Variants in LRRC37A2 observed in about 807,000 individuals in gnomAD.
LRRC37A2 encodes leucine rich repeat containing 37 member A2, also known as leucine-rich repeat-containing protein 37A2.
LRRC37A2 carries 9 observed loss-of-function variants against 68.8 expected under a neutral mutation model. That is an observed-to-expected ratio of 0.13 (90% confidence interval 0.08 to 0.23). The LOEUF is 0.23. Among genes scored for constraint, LRRC37A2 ranks in the 10% least tolerant of loss-of-function variants. The probability of loss-of-function intolerance (pLI) is 1.00; values close to 1 mark genes in which losing one functional copy is unlikely to be tolerated. For synonymous variants in LRRC37A2, 63 were observed against 367.6 expected (o/e 0.17, Z 9.48); for missense variants, 168 against 950.4 (o/e 0.18, Z 10.82).
chr17:46,990,013 A>G, the LRRC37A2 span, among the ~76,000 whole-genome samples: 2 of 152,246 alleles, frequency 1.3e-5, no homozygotes, highest in Non-Finnish European at 2.9e-5. Context: ...TTGTTACACC[A>G]TAAGGAATAA....
the LRRC37A2 span, among the ~76,000 whole-genome samples, chr17:46,851,117 C>A: frequency 6.6e-6 from 1 of 152,166 alleles, no homozygotes. This position sits in a 1 kb window ranked among gnomAD's most constrained non-coding sequence, Gnocchi z 4.3. Flanking sequence ...CTGCGGGCTG[C>A]GGCGAAGAGA....
chr17:46,939,562 G>A, the LRRC37A2 span: 1 of 985,396 alleles, frequency 1.0e-6, no homozygotes, highest in Non-Finnish European at 1.2e-6. Context: ...CCCTTAGAAA[G>A]TAGCTGTAGG....
the LRRC37A2 span, among the ~76,000 whole-genome samples, chr17:46,803,605 T>G: frequency 5.3e-5 from 8 of 152,208 alleles, no homozygotes; most frequent in African/African-American, 1.7e-4. Flanking sequence ...CCTAGAGGGC[T>G]AGGTTACCTG....
the LRRC37A2 span, chr17:47,033,457 T>C: frequency 1.8e-6 from 1 of 552,594 alleles, no homozygotes; most frequent in South Asian, 1.7e-5. Context: ...GTCTAGGTCA[T>C]CTGATCTGCT....
At chr17:47,030,088 A>AATAATCATC in the LRRC37A2 span, among the ~76,000 whole-genome samples, 2 of 107,122 alleles carry the variant, frequency 1.9e-5, no homozygotes, top group Admixed American at 9.5e-5. Flanking sequence ...TAATAATAAT[A>AATAATCATC]ATCATCATCA....
intron 6 of LRRC37A2, among the ~76,000 whole-genome samples, chr17:46,534,145 C>G (rs576313609): frequency 3.6e-4 from 53 of 147,152 alleles, no homozygotes; most frequent in Middle Eastern, 6.9e-3. Flanking sequence ...TCCTGGGTAG[C>G]TGAGACTACA....
At chr17:46,722,946 C>A in the LRRC37A2 span, among the ~76,000 whole-genome samples, 1 of 152,162 alleles carries the variant, frequency 6.6e-6, no homozygotes, top group African/African-American at 2.4e-5. Context: ...CAGAGACCGA[C>A]TGCAAAAAAC....
chr17:47,015,236 G>C, the LRRC37A2 span, among the ~76,000 whole-genome samples: 1 of 152,092 alleles, frequency 6.6e-6, no homozygotes, highest in African/African-American at 2.4e-5. Flanking sequence ...TTGAACTCCT[G>C]AGCTCAAGTG....
chr17:46,872,527 C>T, the LRRC37A2 span: 12 of 1,542,782 alleles, frequency 7.8e-6, no homozygotes, highest in East Asian at 2.3e-5. Flanking sequence ...CCTGACCGGG[C>T]GGGAAGTCCT....
At chr17:46,790,393 C>G in the LRRC37A2 span, among the ~76,000 whole-genome samples, 1 of 152,080 alleles carries the variant, frequency 6.6e-6, no homozygotes, top group Non-Finnish European at 1.5e-5. Flanking sequence ...CTGCCTGGGC[C>G]CCCTGCAGAG....
At chr17:46,585,350 C>T in the LRRC37A2 span, among the ~76,000 whole-genome samples, 1 of 86,546 alleles carries the variant, frequency 1.2e-5, no homozygotes, top group East Asian at 2.4e-4. Flanking sequence ...GAGAGAGAAT[C>T]CTTAAGACAT....
the LRRC37A2 span, among the ~76,000 whole-genome samples, chr17:47,024,430 G>A: frequency 6.6e-6 from 1 of 152,122 alleles, no homozygotes; most frequent in East Asian, 1.9e-4. Context: ...CAGGAGGCAT[G>A]AAATAATACA....
chr17:46,843,900 C>A, the LRRC37A2 span, among the ~76,000 whole-genome samples: 1 of 152,292 alleles, frequency 6.6e-6, no homozygotes, highest in East Asian at 1.9e-4. Context: ...GGGTTTAGCA[C>A]CAGATGCTTA....
chr17:46,942,347 C>G, the LRRC37A2 span, among the ~76,000 whole-genome samples: 1 of 152,240 alleles, frequency 6.6e-6, no homozygotes, highest in Non-Finnish European at 1.5e-5. Context: ...CCCTGCCAAT[C>G]TGAAACCCTC....
the LRRC37A2 span, among the ~76,000 whole-genome samples, chr17:46,605,570 C>T: frequency 2.9e-5 from 3 of 102,102 alleles, no homozygotes; most frequent in African/African-American, 1.1e-4. Flanking sequence ...TTTCCATATG[C>T]TTAGAGAAAA....
the LRRC37A2 span, chr17:46,773,616 T>TGGGGGGGGGGGGGGGGGGGGGGGGGGGGG: frequency 2.0e-6 from 2 of 997,790 alleles, no homozygotes; most frequent in Non-Finnish European, 1.5e-6. Context: ...CATACAGTCC[T>TGGGGGGGGGGGGGGGGGGGGGGGGGGGGG]GATCCCTCCC....
chr17:46,944,173 T>C, the LRRC37A2 span, among the ~76,000 whole-genome samples: 1 of 152,178 alleles, frequency 6.6e-6, no homozygotes, highest in East Asian at 1.9e-4. Context: ...TATTCCGTCT[T>C]CCAGAGCCCT....
chr17:46,490,423 G>GT, the LRRC37A2 span, among the ~76,000 whole-genome samples: 1 of 151,110 alleles, frequency 6.6e-6, no homozygotes, highest in Non-Finnish European at 1.5e-5. Context: ...TGGAAATCTA[G>GT]TAAAACCTTT....
At chr17:46,466,957 G>A in the LRRC37A2 span, among the ~76,000 whole-genome samples, 1 of 97,888 alleles carries the variant, frequency 1.0e-5, no homozygotes, top group Admixed American at 9.8e-5. Context: ...CAAGCAATGG[G>A]GAAAGGATTC....
Sources: gnomAD v4.1 joint callset for allele counts (sites outside exome capture counted in the v4.1 genomes callset) on GRCh38, gnomAD v4.1.1 for gene constraint, Gnocchi (gnomAD v3.1) non-coding constraint, MANE v1.5 for transcripts, NCBI Gene and HGNC (gene_info 2026-07-23, HGNC 2026-07-21) for gene names.